SND1: variants seen among roughly 807,000 people sequenced by gnomAD.
SND1 encodes staphylococcal nuclease domain-containing protein 1.
Under a neutral mutation model 121.7 loss-of-function variants are expected in SND1, and 38 were observed. That is an observed-to-expected ratio of 0.31 (90% CI 0.24 to 0.41). The LOEUF is 0.41. Among genes scored for constraint, SND1 ranks in the 10% least tolerant of loss-of-function variants. The pLI is 1.00. For synonymous variants in SND1, 401 were observed against 447.4 expected, an observed-to-expected ratio of 0.90 and a Z score of 1.31; for missense variants, 868 against 1,184.6, an observed-to-expected ratio of 0.73 and a Z score of 3.92.
chr7:127,815,695 G>A (rs1798426002), intron 11 of SND1, among the ~76,000 whole-genome samples: 1 of 152,096 alleles, frequency 6.6e-6, no homozygotes, highest in African/African-American at 2.4e-5. Context: ...GGCCTTTAGA[G>A]GTATAATGAT....
chr7:127,781,718 A>G (rs1216992914), intron 10 of SND1, among the ~76,000 whole-genome samples: 3 of 152,206 alleles, frequency 2.0e-5, no homozygotes, highest in African/African-American at 7.2e-5. Context: ...ATGCTTATAT[A>G]TTTGATAGAG....
At chr7:127,749,073 C>G (rs1226616028) in intron 10 of SND1, among the ~76,000 whole-genome samples, 2 of 111,718 alleles carry the variant, frequency 1.8e-5, no homozygotes, top group African/African-American at 3.5e-5. Flanking sequence ...GAGACAGGGT[C>G]TCACTCTGTC....
At chr7:127,758,908 G>T (rs11772303) in intron 10 of SND1, among the ~76,000 whole-genome samples, 42,956 of 151,924 alleles carry the variant, frequency 0.28, 7,566 homozygotes, top group East Asian at 0.66. Context: ...TAAAAAATTA[G>T]CTGGGCATGG....
intron 12 of SND1, among the ~76,000 whole-genome samples, chr7:127,850,552 T>C (rs1799147287): frequency 6.6e-6 from 1 of 152,312 alleles, no homozygotes; most frequent in South Asian, 2.1e-4. Flanking sequence ...GCTTTAATCA[T>C]AGTCAATGAA....
intron 11 of SND1, among the ~76,000 whole-genome samples, chr7:127,839,796 G>A (rs1798930882): frequency 6.6e-6 from 1 of 152,158 alleles, no homozygotes; most frequent in Non-Finnish European, 1.5e-5. Context: ...GAGAAAGTAT[G>A]TATGTTTCAT....
At chr7:127,753,026 G>A (rs544605981) in intron 10 of SND1, among the ~76,000 whole-genome samples, 1 of 152,120 alleles carries the variant, frequency 6.6e-6, no homozygotes, top group Non-Finnish European at 1.5e-5. Flanking sequence ...CTGAACTCTG[G>A]TTTGTGTGGT....
chr7:128,077,447 A>G (rs1391521345), intron 17 of SND1, among the ~76,000 whole-genome samples: 2 of 152,186 alleles, frequency 1.3e-5, no homozygotes, highest in Non-Finnish European at 2.9e-5. Context: ...AGGAGCCCCA[A>G]AGTGTAGAGG....
chr7:128,091,773 G>A (rs1426070812), intron 22 of SND1, 64 bp from the exon 23 acceptor site: 1 of 1,555,020 alleles, frequency 6.4e-7, no homozygotes, highest in African/African-American at 1.4e-5. Context: ...CATTCTGCAG[G>A]GTCCTGCTGG....
At chr7:127,755,792 T>C (rs778097339) in intron 10 of SND1, among the ~76,000 whole-genome samples, 1 of 152,246 alleles carries the variant, frequency 6.6e-6, no homozygotes, top group Non-Finnish European at 1.5e-5. Flanking sequence ...CTAACAAGTT[T>C]GTACAACGTG....
At chr7:127,881,425 A>G (rs1356515211) in intron 12 of SND1, among the ~76,000 whole-genome samples, 2 of 152,134 alleles carry the variant, frequency 1.3e-5, no homozygotes, top group African/African-American at 2.4e-5. Context: ...CTCAGCCCCT[A>G]TAATATTTTT....
intron 16 of SND1, chr7:128,031,183 G>GC (rs935295367): frequency 1.4e-4 from 21 of 151,844 alleles, no homozygotes; most frequent in East Asian, 1.9e-4. Flanking sequence ...GCAGGTGCAT[G>GC]CCCCCCCCTC....
At chr7:127,832,177 A>G (rs1447818597) in intron 11 of SND1, among the ~76,000 whole-genome samples, 1 of 152,218 alleles carries the variant, frequency 6.6e-6, no homozygotes, top group African/African-American at 2.4e-5. Flanking sequence ...GATTACTGAA[A>G]TCTCAACTTG....
intron 9 of SND1, among the ~76,000 whole-genome samples, chr7:127,719,276 A>G (rs1268896239): frequency 2.0e-5 from 3 of 152,088 alleles, no homozygotes; most frequent in African/African-American, 7.2e-5. Context: ...TACTGTGTAC[A>G]TTTTTACTTG....
At chr7:127,768,387 A>G (rs1025913220) in intron 10 of SND1, among the ~76,000 whole-genome samples, 42 of 152,222 alleles carry the variant, frequency 2.8e-4, no homozygotes, top group Admixed American at 2.3e-3. Context: ...TCAGTGACTC[A>G]GAATGGCCAC....
In SND1 at chr7:127,701,336, G is replaced by A; in HGVS notation, c.589+13G>A. On this transcript the variant is annotated intron_variant, in intron 5 of 23. Transcript: ENST00000354725. The stretch of plus-strand genomic sequence containing the variant: ...AAGCCTGTTAATGGTGAGGCTGGTG[G>A]GAACAGACAGATACGACTCAGGGTG... 6.2e-7 allele frequency: 1 copy of A among 1,611,248 alleles called. No individual in the cohort carries two copies. The highest frequency in any genetic ancestry group is 2.2e-5 in the East Asian group (1 of 44,820).
chr7:128,067,254 G>A (rs1793332136), intron 16 of SND1, among the ~76,000 whole-genome samples: 1 of 152,174 alleles, frequency 6.6e-6, no homozygotes, highest in Admixed American at 6.5e-5. Flanking sequence ...ATTGGCACCT[G>A]GATCACAGTT....
intron 14 of SND1, among the ~76,000 whole-genome samples, chr7:127,908,319 TGTGTGTG>T (rs1800386708): frequency 4.7e-4 from 1 of 2,144 alleles, no homozygotes; most frequent in African/African-American, 1.3e-3. Flanking sequence ...TAATAATAAA[TGTGTGTG>T]TGTGTGTGTG....
intron 16 of SND1, among the ~76,000 whole-genome samples, chr7:128,013,234 C>G (rs1803153572): frequency 6.6e-6 from 1 of 152,154 alleles, no homozygotes; most frequent in Admixed American, 6.5e-5. Flanking sequence ...GGATCACTCT[C>G]CAGAGTGCTC....
At chr7:127,837,200 A>C (rs968208017) in intron 11 of SND1, among the ~76,000 whole-genome samples, 3 of 152,240 alleles carry the variant, frequency 2.0e-5, no homozygotes, top group African/African-American at 7.2e-5. Flanking sequence ...TAGAGGAATG[A>C]GGCTAAGACT....
Sources: gnomAD v4.1 joint callset for allele counts (sites outside exome capture counted in the v4.1 genomes callset) on GRCh38, gnomAD v4.1.1 for gene constraint, MANE v1.5 for transcripts, NCBI Gene and HGNC (gene_info 2026-07-23, HGNC 2026-07-21) for gene names.